Variants in SMOX observed in about 807,000 individuals in gnomAD.
The protein encoded by SMOX is flavin containing amine oxidase.
A neutral mutation model predicts 51.0 loss-of-function variants in SMOX; 22 were observed. The ratio of observed to expected loss-of-function variants is 0.43; its 90% CI spans 0.31 to 0.62. The LOEUF (loss-of-function observed/expected upper bound fraction) is 0.62, where lower values mean the gene tolerates loss of function less well. SMOX is among the 20% of genes least tolerant of loss of function. The pLI is 0.10. For missense variants in SMOX, 566 were observed against 777.7 expected (o/e 0.73, Z 3.24); for synonymous variants, 282 against 307.8 (o/e 0.92, Z 0.88).
At position 4,149,853 on chromosome 20, in the gene SMOX, T is replaced by C. The variant is rs1016659250; in HGVS notation, c.-27+876T>C. Among the ~76,000 whole-genome samples the C allele has an allele frequency of 2.0e-5, 3 of 152,086 alleles. No individual in the cohort carries two copies. Among genetic ancestry groups the C allele is most frequent in the Admixed American group, 6.5e-5 (1 of 15,278 alleles). ...GTCTGTGGGGGCAACTTGGCCGTGA[T>C]TGGAGCCAGCAGTAGGTGCCCTGGG... On this transcript the variant is annotated intron_variant, in intron 1 of 6. Transcript: ENST00000305958. The surrounding 1 kb of genome is among the most constrained non-coding windows in gnomAD (Gnocchi z 6.0).
Position 4,183,372 on chromosome 20 carries a change from C to T in SMOX, c.1370-122C>T. On this transcript the variant is annotated intron_variant, in intron 5 of 6. Coordinates refer to ENST00000305958, the MANE Select transcript of SMOX (RefSeq NM_175839.3). This position sits in a 1 kb window ranked among gnomAD's most constrained non-coding sequence, Gnocchi z 4.3. Reference sequence around the variant, plus strand: ...TCCTCTTCTATCCTCCGTGCCTACCCCTGGCAGTCTGGTCCTCCCGGAGCC... The same window carrying T: ...TCCTCTTCTATCCTCCGTGCCTACCTCTGGCAGTCTGGTCCTCCCGGAGCC... The T allele has an allele frequency of 6.9e-7, 1 of 1,439,300 alleles. No homozygotes were observed. The highest frequency in any genetic ancestry group is 9.7e-7 in the Non-Finnish European group (1 of 1,029,168). The allele number at this position is 1,439,300 out of a possible 1,614,324, so 89.2% of individuals were successfully genotyped here.
chr20:4,151,747 T>C lies in SMOX; in HGVS notation c.-27+2770T>C, dbSNP rs140404909. On this transcript the variant is annotated intron_variant, in intron 1 of 6. Transcript: ENST00000305958. ...GTAATTAATCGTAGCACCTGACTTA[T>C]TTTCTATATTATATTTATCACAGTT... is the stretch of plus-strand genomic sequence containing the variant. Among the ~76,000 whole-genome samples, 258 of 152,318 alleles carry C rather than the reference T, an allele frequency of 1.7e-3. 1 individual carries two copies. The highest frequency in any genetic ancestry group is 6.0e-3 in the African/African-American group (248 of 41,574).
Position 4,183,419 on chromosome 20 carries a change from G to A in SMOX, c.1370-75G>A. On this transcript the variant is annotated intron_variant, in intron 5 of 6. Transcript: ENST00000305958. The surrounding 1 kb of genome is among the most constrained non-coding windows in gnomAD (Gnocchi z 4.3). ...AGCCCTGGAGGTGGGGTGGGGGGTTGTCCCTTTGGGGTCATCTTCCATATG... is the reference window on the plus strand; with the variant it reads ...AGCCCTGGAGGTGGGGTGGGGGGTTATCCCTTTGGGGTCATCTTCCATATG... The A allele has an allele frequency of 6.2e-7, 1 of 1,608,910 alleles. No individual in the cohort carries two copies. The highest frequency in any genetic ancestry group is 8.5e-7 in the Non-Finnish European group (1 of 1,176,546).
At position 4,174,956 on chromosome 20, in the gene SMOX, G is replaced by A. The variant is rs1033798276; in HGVS notation, c.-26-74G>A. On this transcript the variant is annotated intron_variant, in intron 1 of 6. Coordinates refer to ENST00000305958, the MANE Select transcript of SMOX (RefSeq NM_175839.3). ...CAACAGAGGGCAGAGTGTGATGAAA[G>A]CCCTGAGTGTCCCTTGGGGCAGGTG... 12 of 1,443,222 alleles carry A rather than the reference G, an allele frequency of 8.3e-6. No individual in the cohort carries two copies. In the East Asian group the frequency reaches 1.1e-4, roughly 14 times the overall value. 89.4% of individuals were successfully genotyped at this position (1,443,222 alleles called of 1,614,324 possible).
chr20:4,157,602 A>G (rs1017988983), intron 1 of SMOX, among the ~76,000 whole-genome samples: 10 of 152,160 alleles, frequency 6.6e-5, no homozygotes, highest in African/African-American at 9.7e-5. Context: ...ACCTTCGTTC[A>G]CTGGGCTGTG....
In SMOX at chr20:4,182,431, G is replaced by A. The variant is rs777931094; in HGVS notation, c.952G>A (p.Glu318Lys). 3.1e-6 allele frequency: 5 copies of A among 1,602,524 alleles called. 1 individual carries two copies. The highest frequency in any genetic ancestry group is 1.7e-5 in the Admixed American group (1 of 59,414). ...DEQWSVVVEC[E>K]DCELIPADHV... is the part of the protein sequence containing the mutation. The stretch of plus-strand genomic sequence containing the variant: ...GCAGTGGTCGGTGGTGGTGGAGTGC[G>A]AGGACTGTGAGCTGATCCCGGCGGA... Residue 318 changes from glutamate (E) to lysine (K), a missense_variant, in exon 5 of 7, where the codon GAG (glutamate) becomes AAG (lysine). Transcript: ENST00000305958. The surrounding 1 kb of genome is among the most constrained non-coding windows in gnomAD (Gnocchi z 8.4).
rs758296791 is a variant in SMOX, at chr20:4,182,217, G to C, written c.738G>C (p.Leu246=). Residue 246 remains leucine, a synonymous_variant, in exon 5 of 7, where the codon CTG becomes CTC. Coordinates refer to ENST00000305958, the MANE Select transcript of SMOX (RefSeq NM_175839.3). This position sits in a 1 kb window ranked among gnomAD's most constrained non-coding sequence, Gnocchi z 8.4. ...PSGFMRVVEL[L]AEGIPAHVIQ... is the part of the protein sequence containing the mutation. ...GCTTCATGCGGGTTGTGGAGCTGCT[G>C]GCGGAGGGCATCCCTGCCCACGTCA... 1.2e-6 allele frequency: 2 copies of C among 1,613,660 alleles called. No homozygotes were observed. Among genetic ancestry groups the C allele is most frequent in the Non-Finnish European group, 1.7e-6 (2 of 1,180,008 alleles).
At chr20:4,168,937 T>G (rs374836198) in intron 1 of SMOX, among the ~76,000 whole-genome samples, 1,255 of 102,026 alleles carry the variant, frequency 0.012, 21 homozygotes, top group African/African-American at 0.048. Flanking sequence ...TTTATTTTAT[T>G]TTATTTTATT....
intron 3 of SMOX, among the ~76,000 whole-genome samples, chr20:4,178,683 TCTTTC>T (rs1320690768): frequency 1.1e-5 from 1 of 93,706 alleles, no homozygotes; most frequent in African/African-American, 5.3e-5. Context: ...TTTCTTTCTT[TCTTTC>T]TTTTTTTTTT....
At chr20:4,152,774 G>A (rs796724938) in intron 1 of SMOX, among the ~76,000 whole-genome samples, 1 of 152,206 alleles carries the variant, frequency 6.6e-6, no homozygotes, top group Non-Finnish European at 1.5e-5. Flanking sequence ...GCTCTATAAG[G>A]TAGGTCTTAT....
intron 2 of SMOX, among the ~76,000 whole-genome samples, chr20:4,176,693 TG>T (rs1978880200): frequency 6.6e-6 from 1 of 152,164 alleles, no homozygotes; most frequent in Non-Finnish European, 1.5e-5. Flanking sequence ...ATGCCTTGGC[TG>T]GGGATGGGGT....
chr20:4,153,590 C>T lies in SMOX; in HGVS notation c.-27+4613C>T, dbSNP rs1033502108. Among the ~76,000 whole-genome samples, 3 of 152,170 alleles carry T rather than the reference C, an allele frequency of 2.0e-5. No homozygotes were observed. Among genetic ancestry groups the T allele is most frequent in the Non-Finnish European group, 4.4e-5 (3 of 68,050 alleles). ...ACCACACAGGGATGGGGTCTGTTTT[C>T]TCTGAATTCTGAGCCCCAGAGTTGA... is the stretch of plus-strand genomic sequence containing the variant. On this transcript the variant is annotated intron_variant, in intron 1 of 6. Transcript: ENST00000305958. The surrounding 1 kb of genome is among the most constrained non-coding windows in gnomAD (Gnocchi z 4.4).
At chr20:4,178,443 C>G (rs1237391868) in intron 3 of SMOX, among the ~76,000 whole-genome samples, 3 of 152,170 alleles carry the variant, frequency 2.0e-5, no homozygotes, top group Non-Finnish European at 4.4e-5. Context: ...TGGTTAGTAT[C>G]TCAGTGCAGT....
intron 1 of SMOX, among the ~76,000 whole-genome samples, chr20:4,168,883 CTATTTTATT>C (rs1423424182): frequency 7.8e-6 from 1 of 128,570 alleles, no homozygotes; most frequent in Non-Finnish European, 1.6e-5. Flanking sequence ...AATTAATGCT[CTATTTTATT>C]TTATTTTATT....
chr20:4,187,161 CCT>C lies in SMOX; in HGVS notation c.1531-104_1531-103del, dbSNP rs1476411631. The C allele has an allele frequency of 4.0e-5, 55 of 1,373,052 alleles. No homozygotes were observed. The highest frequency in any genetic ancestry group is 4.6e-5 in the Non-Finnish European group (47 of 1,023,210). The allele number at this position is 1,373,052 out of a possible 1,614,324, so 85.1% of individuals were successfully genotyped here. ...AAGCAGCAGCACCTGCGTCTCAGAG[CCT>C]CTCTAATTTGTCATTGGGATGGGAG... On this transcript the variant is annotated intron_variant, in intron 6 of 6. Coordinates refer to ENST00000305958, the MANE Select transcript of SMOX (RefSeq NM_175839.3). This position sits in a 1 kb window ranked among gnomAD's most constrained non-coding sequence, Gnocchi z 4.8.
At position 4,155,747 on chromosome 20, in the gene SMOX, G is replaced by A. The variant is rs151003869; in HGVS notation, c.-27+6770G>A. On this transcript the variant is annotated intron_variant, in intron 1 of 6. Transcript: ENST00000305958. ...CACCTCAGGCTCTACATGGCCTGGG[G>A]TGCGTATCTGAGGACACTGGTGGGT... 3.8e-3 allele frequency among the ~76,000 whole-genome samples: 577 copies of A among 152,258 alleles called. 2 individuals are homozygous for A. Among genetic ancestry groups the A allele is most frequent in the Middle Eastern group, 0.01 (3 of 294 alleles).
In SMOX at chr20:4,183,106, C is replaced by A. The variant is rs537615503; in HGVS notation, c.1369+258C>A. ...GGCTGATGGTAAAACACTCAGAGAT[C>A]ACCGCCCATTGTGCTCTGTTGCTAA... On this transcript the variant is annotated intron_variant, in intron 5 of 6. Transcript: ENST00000305958. The surrounding 1 kb of genome is among the most constrained non-coding windows in gnomAD (Gnocchi z 4.3). The A allele has an allele frequency of 6.3e-4, 376 of 596,888 alleles. No homozygotes were observed. Among genetic ancestry groups the A allele is most frequent in the Non-Finnish European group, 9.1e-4 (310 of 342,096 alleles). The allele number at this position is 596,888 out of a possible 1,614,324, so 37.0% of individuals were successfully genotyped here.
At chr20:4,157,763 C>T (rs114838586) in intron 1 of SMOX, among the ~76,000 whole-genome samples, 4,258 of 152,024 alleles carry the variant, frequency 0.028, 191 homozygotes, top group African/African-American at 0.097. Context: ...GGCCAAGTTG[C>T]GGACGTGACC....
chr20:4,151,533 A>T (rs1024490107), intron 1 of SMOX, among the ~76,000 whole-genome samples: 2 of 151,980 alleles, frequency 1.3e-5, no homozygotes, highest in African/African-American at 4.8e-5. Flanking sequence ...TGACAGACAC[A>T]TCTGAATCAT....
Sources: gnomAD v4.1 joint callset for allele counts (sites outside exome capture counted in the v4.1 genomes callset) on GRCh38, gnomAD v4.1.1 for gene constraint, Gnocchi (gnomAD v3.1) non-coding constraint, MANE v1.5 for transcripts, NCBI Gene and HGNC (gene_info 2026-07-23, HGNC 2026-07-21) for gene names.